The following SMARCC1 variants were observed in gnomAD, a reference collection of about 807,000 sequenced individuals.
SMARCC1 encodes SWI/SNF complex subunit SMARCC1.
In SMARCC1, 43 loss-of-function variants were observed where a neutral mutation model predicts 147.4. The ratio of observed to expected loss-of-function variants is 0.29; its 90% CI spans 0.23 to 0.38. SMARCC1 has a LOEUF of 0.38. Among genes scored for constraint, SMARCC1 ranks in the 10% least tolerant of loss-of-function variants. SMARCC1 has a pLI of 1.00. For missense variants in SMARCC1, 1,119 were observed against 1,381.1 expected (o/e 0.81, Z 3.01); for synonymous variants, 495 against 484.4 (o/e 1.02, Z -0.29).
chr3:47,758,990 C>T (rs902978628), intron 2 of SMARCC1, among the ~76,000 whole-genome samples: 15 of 147,620 alleles, frequency 1.0e-4, no homozygotes, highest in Non-Finnish European at 1.5e-4. Context: ...GCACTCCAGC[C>T]GGGGCAACAA....
chr3:47,671,196 A>AAACAAAAAACAAAAC (rs1553682000), intron 18 of SMARCC1, among the ~76,000 whole-genome samples: 1 of 81,144 alleles, frequency 1.2e-5, no homozygotes, highest in South Asian at 5.0e-4. Context: ...AAAAAAAAAA[A>AAACAAAAAACAAAAC]AACACACACA....
chr3:47,667,742 T>A (rs2033440300), intron 19 of SMARCC1, among the ~76,000 whole-genome samples: 1 of 152,108 alleles, frequency 6.6e-6, no homozygotes, highest in Non-Finnish European at 1.5e-5. Context: ...CTGGGCATGG[T>A]GGCGCGTGCC....
intron 15 of SMARCC1, 62 bp from the exon 16 acceptor site, chr3:47,678,373 A>C: frequency 1.4e-6 from 1 of 721,408 alleles, no homozygotes; most frequent in Non-Finnish European, 2.3e-6. Context: ...AATGTTACTT[A>C]GAAACTCAAA....
In SMARCC1 at chr3:47,759,100, C is replaced by T. The variant is rs562478599; in HGVS notation, c.316-13107G>A. Among the ~76,000 whole-genome samples the T allele has an allele frequency of 1.4e-3, 219 of 152,144 alleles. 1 individual carries two copies. Among genetic ancestry groups the T allele is most frequent in the Non-Finnish European group, 1.2e-3 (79 of 67,992 alleles). On this transcript the variant is annotated intron_variant, in intron 2 of 27. Transcript: ENST00000254480. ...CAATCTCAGCTCACTACAACCTTCG[C>T]CACCTGGCTCAAGCAATCCTCCCAC...
intron 21 of SMARCC1, among the ~76,000 whole-genome samples, chr3:47,658,426 C>A (rs2033291862): frequency 6.6e-6 from 1 of 152,142 alleles, no homozygotes; most frequent in Non-Finnish European, 1.5e-5. Flanking sequence ...TGCTATCAAC[C>A]CCCAATCCTC....
chr3:47,741,457 A>G (rs762634754), intron 3 of SMARCC1, among the ~76,000 whole-genome samples: 7 of 150,408 alleles, frequency 4.7e-5, no homozygotes, highest in African/African-American at 7.3e-5. Flanking sequence ...TACATGGCAA[A>G]ATATCTAAAC....
chr3:47,772,981 A>G, intron 1 of SMARCC1, 45 bp from the exon 2 acceptor site: 1 of 1,595,926 alleles, frequency 6.3e-7, no homozygotes, highest in Non-Finnish European at 8.6e-7. Flanking sequence ...CAATTTTTGC[A>G]GGAGAAAATG....
At chr3:47,663,579 T>C (rs1576403542) in intron 19 of SMARCC1, 11 of 1,363,226 alleles carry the variant, frequency 8.1e-6, no homozygotes, top group Non-Finnish European at 1.1e-5. Context: ...GACCCTGTCT[T>C]AGGTCGCGAT....
chr3:47,602,446 C>T (rs547970195), intron 26 of SMARCC1, among the ~76,000 whole-genome samples: 7 of 152,228 alleles, frequency 4.6e-5, no homozygotes, highest in East Asian at 2.0e-4. Flanking sequence ...CACAGGCACA[C>T]GCCACCACAC....
rs1553682242 is a variant in SMARCC1 at position 47,673,395 on chromosome 3, A to AAGGGGGG, written c.1839+2079_1839+2080insCCCCCCT. 1.3e-4 allele frequency among the ~76,000 whole-genome samples: 2 copies of AAGGGGGG among 15,878 alleles called. 1 individual carries two copies. Among genetic ancestry groups the AAGGGGGG allele is most frequent in the Non-Finnish European group, 2.6e-4 (2 of 7,728 alleles). The allele number at this position is 15,878 out of a possible 152,430, so 10.4% of individuals were successfully genotyped here. ...AGCGAGACTCTGTCTCAAAAAAAAA[A>AAGGGGGG]GGGTGGGGGGGGGGCAGGCCAGTGG... On this transcript the variant is annotated intron_variant, in intron 18 of 27. Coordinates refer to ENST00000254480, the MANE Select transcript of SMARCC1 (RefSeq NM_003074.4).
At chr3:47,637,895 T>C (rs1328537499) in intron 22 of SMARCC1, among the ~76,000 whole-genome samples, 1 of 152,118 alleles carries the variant, frequency 6.6e-6, no homozygotes, top group African/African-American at 2.4e-5. Flanking sequence ...GAATCTTTGA[T>C]TTTCTAACCT....
chr3:47,717,584 G>C (rs1206296381), intron 7 of SMARCC1, among the ~76,000 whole-genome samples: 1 of 151,744 alleles, frequency 6.6e-6, no homozygotes, highest in African/African-American at 2.4e-5. Flanking sequence ...ATTTTTTTGA[G>C]ACAGGGTCTC....
At chr3:47,612,197 T>A (rs1164629818) in intron 25 of SMARCC1, among the ~76,000 whole-genome samples, 3 of 152,222 alleles carry the variant, frequency 2.0e-5, no homozygotes, top group African/African-American at 7.2e-5. Flanking sequence ...GATTAGTAAG[T>A]AAGAGGCAAA....
chr3:47,685,391 G>C (rs2033707622), intron 14 of SMARCC1, among the ~76,000 whole-genome samples: 1 of 151,992 alleles, frequency 6.6e-6, no homozygotes, highest in African/African-American at 2.4e-5. Flanking sequence ...TTAATTTCAA[G>C]TAACTAAAAA....
At chr3:47,778,998 G>T (rs372521153) in intron 1 of SMARCC1, among the ~76,000 whole-genome samples, 122 of 131,260 alleles carry the variant, frequency 9.3e-4, no homozygotes, top group African/African-American at 3.5e-3. Flanking sequence ...AAAAAAAAAA[G>T]AAAATTCCTA....
intron 5 of SMARCC1, among the ~76,000 whole-genome samples, chr3:47,732,441 C>T (rs1045989963): frequency 1.1e-4 from 16 of 152,202 alleles, no homozygotes; most frequent in African/African-American, 2.9e-4. Context: ...TTCCTTTGCA[C>T]TAAAAACCTA....
chr3:47,753,368 C>CAAT (rs1404707412), intron 2 of SMARCC1, among the ~76,000 whole-genome samples: 2 of 147,972 alleles, frequency 1.4e-5, no homozygotes, highest in Non-Finnish European at 3.0e-5. Flanking sequence ...AAATCTACTA[C>CAAT]AATAATTTGT....
rs201786953 is a variant in SMARCC1, at chr3:47,781,780, G to C, written c.18C>G (p.Gly6=). Residue 6 remains glycine, a synonymous_variant, in exon 1 of 28, where the codon GGC becomes GGG. Coordinates refer to ENST00000254480, the MANE Select transcript of SMARCC1 (RefSeq NM_003074.4). ...CTACCGCTGTCCCCGGCCCGCCGCC[G>C]CCCGCCGCTGCGGCCATCGTCGCAG... MAAAA[G]GGGPGTAVGA... 6.9e-7 allele frequency: 1 copy of C among 1,448,856 alleles called. No homozygotes were observed. Among genetic ancestry groups the C allele is most frequent in the Non-Finnish European group, 9.1e-7 (1 of 1,103,956 alleles). The allele number at this position is 1,448,856 out of a possible 1,614,324, so 89.8% of individuals were successfully genotyped here. A position where few individuals can be genotyped will look rare whatever the true frequency, so the allele number is the denominator to read the frequency against.
At chr3:47,718,541 G>C (rs2034189677) in intron 7 of SMARCC1, among the ~76,000 whole-genome samples, 2 of 152,166 alleles carry the variant, frequency 1.3e-5, no homozygotes, top group South Asian at 4.2e-4. Context: ...ACGAGAAGTA[G>C]ATAGAAGAAG....
Sources: allele counts gnomAD v4.1 joint callset (sites outside exome capture counted in the v4.1 genomes callset), GRCh38; gene constraint gnomAD v4.1.1; transcripts MANE v1.5; gene names NCBI Gene and HGNC (gene_info 2026-07-23, HGNC 2026-07-21).